Variants in NTRK3 observed in about 807,000 individuals in gnomAD.
NTRK3 encodes the protein NT-3 growth factor receptor.
Under a neutral mutation model 91.7 loss-of-function variants are expected in NTRK3, and 24 were observed. The observed-to-expected ratio is 0.26, with a 90% CI of 0.19 to 0.37. NTRK3 has a LOEUF of 0.37. Among genes scored for constraint, NTRK3 ranks in the 10% least tolerant of loss-of-function variants. NTRK3 has a pLI of 1.00. For missense variants in NTRK3, 880 were observed against 1,068.9 expected, an observed-to-expected ratio of 0.82 and a Z score of 2.46; for synonymous variants, 483 against 404.0, an observed-to-expected ratio of 1.20 and a Z score of -2.34.
intron 6 of NTRK3, among the ~76,000 whole-genome samples, chr15:88,141,224 C>G (rs1991287): frequency 0.52 from 79,586 of 151,996 alleles, 22,590 homozygotes; most frequent in African/African-American, 0.76. Context: ...ACATGAGACA[C>G]AGAAAAGAGA....
intron 14 of NTRK3, among the ~76,000 whole-genome samples, chr15:87,953,319 C>T (rs76344671): frequency 0.019 from 2,903 of 152,316 alleles, 41 homozygotes; most frequent in Middle Eastern, 0.044. Flanking sequence ...AGTTTGCTGC[C>T]TCTCGGGCAC....
chr15:87,890,424 A>G (rs367592985), intron 17 of NTRK3, among the ~76,000 whole-genome samples: 1 of 152,178 alleles, frequency 6.6e-6, no homozygotes, highest in Non-Finnish European at 1.5e-5. Context: ...GCTACACTGG[A>G]AACTGTTTAT....
chr15:88,024,008 T>C (rs966000168), intron 14 of NTRK3, among the ~76,000 whole-genome samples: 8 of 152,220 alleles, frequency 5.3e-5, no homozygotes, highest in Non-Finnish European at 1.0e-4. Context: ...CGCTAAGCGA[T>C]GTTTGTTAGC....
intron 6 of NTRK3, among the ~76,000 whole-genome samples, chr15:88,141,392 C>A (rs971865413): frequency 1.3e-5 from 2 of 152,202 alleles, no homozygotes; most frequent in African/African-American, 4.8e-5. Context: ...AGATGAGCTG[C>A]CCAGTGTATG....
intron 13 of NTRK3, among the ~76,000 whole-genome samples, chr15:88,117,573 T>C (rs1342911910): frequency 6.6e-6 from 1 of 152,236 alleles, no homozygotes; most frequent in Non-Finnish European, 1.5e-5. Context: ...GACCTGACTC[T>C]GTGCTCAAAA....
At chr15:88,110,125 T>C (rs922615624) in intron 13 of NTRK3, among the ~76,000 whole-genome samples, 2 of 151,986 alleles carry the variant, frequency 1.3e-5, no homozygotes, top group Non-Finnish European at 2.9e-5. Context: ...AGCTCTAAAT[T>C]TTAATGAGCC....
At chr15:87,967,633 G>C (rs1490753560) in intron 14 of NTRK3, among the ~76,000 whole-genome samples, 1 of 152,010 alleles carries the variant, frequency 6.6e-6, no homozygotes, top group Non-Finnish European at 1.5e-5. Context: ...CTCACCAATG[G>C]GATTTTGTAA....
intron 3 of NTRK3, among the ~76,000 whole-genome samples, chr15:88,213,253 G>A (rs2049420993): frequency 6.6e-6 from 1 of 152,186 alleles, no homozygotes. Context: ...AGGCCCACCA[G>A]GATTGAGTAA....
chr15:88,066,391 T>C (rs1390130301), intron 13 of NTRK3, among the ~76,000 whole-genome samples: 2 of 152,190 alleles, frequency 1.3e-5, no homozygotes, highest in African/African-American at 2.4e-5. Context: ...GCAGATCCCC[T>C]TCCTACTCAG....
chr15:87,982,134 T>C (rs76286575), intron 14 of NTRK3, among the ~76,000 whole-genome samples: 4,538 of 152,276 alleles, frequency 0.03, 241 homozygotes, highest in African/African-American at 0.1. Flanking sequence ...TTCGTGAACA[T>C]GAGCCCTTTC....
At chr15:87,948,400 A>T (rs12437787) in intron 14 of NTRK3, among the ~76,000 whole-genome samples, 43,163 of 152,160 alleles carry the variant, frequency 0.28, 6,738 homozygotes, top group African/African-American at 0.41. Context: ...AAAAATTAGT[A>T]ATCAAGGCCA....
At chr15:88,212,649 C>T (rs1170556493) in intron 3 of NTRK3, among the ~76,000 whole-genome samples, 1 of 151,746 alleles carries the variant, frequency 6.6e-6, no homozygotes, top group African/African-American at 2.4e-5. Context: ...CCAGCTCCTC[C>T]TACCTCTCCA....
intron 17 of NTRK3, among the ~76,000 whole-genome samples, chr15:87,884,311 T>A (rs917015328): frequency 2.6e-5 from 4 of 151,618 alleles, no homozygotes; most frequent in African/African-American, 9.7e-5. Context: ...AATAGAAAAG[T>A]TGAATACAAA....
chr15:87,979,986 G>T (rs891349478), intron 14 of NTRK3, among the ~76,000 whole-genome samples: 1 of 152,268 alleles, frequency 6.6e-6, no homozygotes, highest in South Asian at 2.1e-4. Context: ...GGAGGTGGGG[G>T]TGCTATACTC....
chr15:88,040,810 C>T (rs1255927555), intron 13 of NTRK3, among the ~76,000 whole-genome samples: 2 of 152,218 alleles, frequency 1.3e-5, no homozygotes, highest in African/African-American at 4.8e-5. Flanking sequence ...ATAAAACTGA[C>T]ATTAATTAAA....
chr15:88,090,521 T>C (rs539686386), intron 13 of NTRK3, among the ~76,000 whole-genome samples: 15 of 151,966 alleles, frequency 9.9e-5, no homozygotes, highest in Admixed American at 5.2e-4. Flanking sequence ...TATGGGATAA[T>C]CACTTGGCAA....
intron 14 of NTRK3, among the ~76,000 whole-genome samples, chr15:87,947,741 G>T (rs745778629): frequency 1.3e-5 from 2 of 152,276 alleles, no homozygotes; most frequent in East Asian, 1.9e-4. Context: ...TGTGAGAAGC[G>T]TGTGTTTTCT....
chr15:88,126,189 G>T, intron 13 of NTRK3, 82 bp downstream of exon 13: 1 of 1,048,466 alleles, frequency 9.5e-7, no homozygotes, highest in Non-Finnish European at 1.5e-6. Context: ...AGAGAGCAAT[G>T]GGAGATTAAA....
At chr15:87,902,920 C>A (rs1434288423) in intron 17 of NTRK3, among the ~76,000 whole-genome samples, 1 of 152,144 alleles carries the variant, frequency 6.6e-6, no homozygotes, top group Admixed American at 6.5e-5. Flanking sequence ...TTGCTCCTTC[C>A]CCACCCTACA....
Sources: gnomAD v4.1 joint callset for allele counts (sites outside exome capture counted in the v4.1 genomes callset) on GRCh38, gnomAD v4.1.1 for gene constraint, MANE v1.5 for transcripts, NCBI Gene and HGNC (gene_info 2026-07-23, HGNC 2026-07-21) for gene names.